The following ZNF254 variants were observed in gnomAD, a reference collection of about 807,000 sequenced individuals.
ZNF254 encodes zinc finger protein 254, also known as CTD-2017D11.1.
ZNF254 carries 10 observed loss-of-function variants against 12.4 expected under a neutral mutation model. That is an observed-to-expected ratio of 0.80 (90% confidence interval 0.50 to 1.36). The LOEUF is 1.36. ZNF254 is among the 40% of genes most tolerant of loss of function. The pLI is 0.00. For missense variants in ZNF254, 996 were observed against 763.9 expected (o/e 1.30, Z -3.58); for synonymous variants, 305 against 253.4 (o/e 1.20, Z -1.93).
intron 2 of ZNF254, among the ~76,000 whole-genome samples, chr19:24,082,045 C>T (rs751666038): frequency 1.3e-5 from 2 of 151,884 alleles, no homozygotes; most frequent in Non-Finnish European, 2.9e-5. Context: ...ATCACTTGAA[C>T]CTTGGAGGCA....
At chr19:24,114,933 A>G (rs1239557027) in intron 3 of ZNF254, among the ~76,000 whole-genome samples, 2 of 152,300 alleles carry the variant, frequency 1.3e-5, no homozygotes. Context: ...AATGCTCACC[A>G]TCACTGGCCA....
At position 24,126,569 on chromosome 19, in the gene ZNF254, T is replaced by C. The variant is rs771636225; in HGVS notation, c.569T>C (p.Leu190Ser). ...TTCAAATGTAAAAAACGTGTCAAATTATTTTGCATGCTTTCACATAAAACC... is the reference window on the plus strand; with the variant it reads ...TTCAAATGTAAAAAACGTGTCAAATCATTTTGCATGCTTTCACATAAAACC... ...KSFKCKKRVK[L>S]FCMLSHKTQH... Residue 190 changes from leucine to serine, a missense_variant, in exon 4 of 4, where the codon TTA becomes TCA. Transcript: ENST00000357002. 6 of 1,605,038 alleles carry C rather than the reference T, an allele frequency of 3.7e-6. No homozygotes were observed. Among genetic ancestry groups the C allele is most frequent in the Middle Eastern group, 1.7e-4 (1 of 5,998 alleles).
intron 3 of ZNF254, among the ~76,000 whole-genome samples, chr19:24,113,197 C>G (rs1973808149): frequency 6.6e-6 from 1 of 152,140 alleles, no homozygotes; most frequent in African/African-American, 2.4e-5. Flanking sequence ...CAGCATCATC[C>G]TGTTACCAAA....
chr19:24,054,526 C>T (rs527883311), intron 2 of ZNF254, among the ~76,000 whole-genome samples: 5 of 152,282 alleles, frequency 3.3e-5, no homozygotes, highest in South Asian at 2.1e-4. Context: ...GTGTTACAAA[C>T]GTGTTATCCC....
intron 3 of ZNF254, among the ~76,000 whole-genome samples, chr19:24,110,690 T>A (rs1010437155): frequency 2.0e-5 from 3 of 152,200 alleles, no homozygotes; most frequent in African/African-American, 7.2e-5. Flanking sequence ...TTTACCTATT[T>A]TATGCTCTCT....
intron 1 of ZNF254, among the ~76,000 whole-genome samples, chr19:24,093,729 A>C (rs979151847): frequency 6.6e-6 from 1 of 152,164 alleles, no homozygotes; most frequent in African/African-American, 2.4e-5. Context: ...TAATGCCTTC[A>C]GCTTTGCTGT....
chr19:24,106,394 A>G, intron 2 of ZNF254, 154 bp from the exon 3 acceptor site: 4 of 605,302 alleles, frequency 6.6e-6, no homozygotes, highest in Non-Finnish European at 9.8e-6. Context: ...AAAAATTAAA[A>G]TATTTCCTAA....
intron 2 of ZNF254, among the ~76,000 whole-genome samples, chr19:24,062,128 G>C (rs1161687786): frequency 2.0e-5 from 3 of 150,436 alleles, no homozygotes; most frequent in Non-Finnish European, 4.4e-5. Flanking sequence ...GTAAAATCCT[G>C]GTGGTCTCTC....
At chr19:24,062,669 C>T (rs915631603) in intron 2 of ZNF254, among the ~76,000 whole-genome samples, 2 of 152,188 alleles carry the variant, frequency 1.3e-5, no homozygotes, top group African/African-American at 4.8e-5. Context: ...TTTTGAGGTT[C>T]TGAATCTCAC....
intron 1 of ZNF254, among the ~76,000 whole-genome samples, chr19:24,095,342 T>A (rs1317435888): frequency 1.3e-5 from 2 of 152,186 alleles, no homozygotes; most frequent in Non-Finnish European, 2.9e-5. Context: ...GGCCTGAATT[T>A]TTTTTTGTTT....
At chr19:24,119,014 A>G (rs1974298525) in intron 3 of ZNF254, among the ~76,000 whole-genome samples, 1 of 151,964 alleles carries the variant, frequency 6.6e-6, no homozygotes. Flanking sequence ...CGGGAGGCTG[A>G]GGAAGGAGAA....
chr19:24,095,541 T>C (rs1388356452), intron 1 of ZNF254, among the ~76,000 whole-genome samples: 1 of 152,200 alleles, frequency 6.6e-6, no homozygotes, highest in Non-Finnish European at 1.5e-5. Flanking sequence ...GGTAGGCTAT[T>C]TATTACTAAT....
upstream of ZNF254, among the ~76,000 whole-genome samples, chr19:24,085,409 T>TAG (rs1971992107): frequency 2.9e-5 from 1 of 34,936 alleles, no homozygotes; most frequent in African/African-American, 1.5e-4. Flanking sequence ...TTGTTAAGGG[T>TAG]ATATATATAT....
chr19:24,099,996 G>T (rs1972912609), intron 1 of ZNF254, among the ~76,000 whole-genome samples: 1 of 152,144 alleles, frequency 6.6e-6, no homozygotes, highest in Non-Finnish European at 1.5e-5. Flanking sequence ...TAGTCTTCCA[G>T]TCAACTCACA....
chr19:24,107,249 T>C lies in ZNF254; in HGVS notation c.253+606T>C, dbSNP rs180830763. 4.0e-4 allele frequency: 263 copies of C among 649,884 alleles called. 3 individuals are homozygous for C. The East Asian group carries it at 7.1e-3, about 17-fold the overall frequency. The allele number at this position is 649,884 out of a possible 1,614,324, so 40.3% of individuals were successfully genotyped here. ...TTTTCATTACTGTGAAGAAAAACACTGGAATTTTGATAAGGAGTTCTTTAA... is the reference window on the plus strand; with the variant it reads ...TTTTCATTACTGTGAAGAAAAACACCGGAATTTTGATAAGGAGTTCTTTAA... On this transcript the variant is annotated intron_variant, in intron 3 of 3. Transcript: ENST00000357002.
intron 3 of ZNF254, among the ~76,000 whole-genome samples, chr19:24,112,486 G>A (rs565539043): frequency 6.7e-6 from 1 of 149,706 alleles, no homozygotes; most frequent in East Asian, 2.0e-4. Flanking sequence ...ATTCTCTGAA[G>A]AAAATCATTG....
intron 1 of ZNF254, among the ~76,000 whole-genome samples, chr19:24,091,330 A>T (rs958357970): frequency 6.7e-5 from 10 of 149,088 alleles, no homozygotes; most frequent in Admixed American, 5.3e-4. Flanking sequence ...AAAAAAAAAA[A>T]TCTCTCTTCA....
intron 1 of ZNF254, among the ~76,000 whole-genome samples, chr19:24,093,964 T>C (rs760409841): frequency 5.3e-5 from 8 of 152,164 alleles, no homozygotes; most frequent in Non-Finnish European, 1.0e-4. Context: ...CTTTAAGCAT[T>C]GTTTTGCAAT....
chr19:24,097,332 G>C (rs1029881415), intron 1 of ZNF254, among the ~76,000 whole-genome samples: 1 of 152,120 alleles, frequency 6.6e-6, no homozygotes, highest in Non-Finnish European at 1.5e-5. Flanking sequence ...AAAAGATACT[G>C]AGTAAGTTGT....
Sources: allele counts gnomAD v4.1 joint callset (sites outside exome capture counted in the v4.1 genomes callset), GRCh38; gene constraint gnomAD v4.1.1; transcripts MANE v1.5; gene names NCBI Gene and HGNC (gene_info 2026-07-23, HGNC 2026-07-21).